Variants in SRP19 observed in about 807,000 individuals in gnomAD.
SRP19 encodes the protein signal recognition particle 19 kDa protein.
A neutral mutation model predicts 22.4 loss-of-function variants in SRP19; 11 were observed. The observed-to-expected ratio is 0.49, with a 90% CI of 0.31 to 0.81. The LOEUF (loss-of-function observed/expected upper bound fraction) is 0.81, where lower values mean the gene tolerates loss of function less well. Among genes scored for constraint, SRP19 ranks in the 40% least tolerant of loss-of-function variants. The pLI is 0.05. For missense variants in SRP19, 168 were observed against 175.9 expected (o/e 0.96, Z 0.25); for synonymous variants, 61 against 57.6 (o/e 1.06, Z -0.27).
downstream of SRP19, among the ~76,000 whole-genome samples, chr5:112,872,056 TAGA>T (rs978687954): frequency 7.2e-5 from 11 of 152,362 alleles, no homozygotes; most frequent in Admixed American, 5.9e-4. Flanking sequence ...CTTCCATTTG[TAGA>T]AGAAGAGGAT....
At chr5:112,873,265 G>T (rs13362565), downstream of SRP19, among the ~76,000 whole-genome samples, 2,211 of 97,260 alleles carry the variant, frequency 0.023, 76 homozygotes, top group African/African-American at 0.1. Context: ...CTGATCCTCA[G>T]GTTTTCTTTT....
At chr5:112,891,553 A>T in intron 4 of SRP19, 1 of 1,522,380 alleles carries the variant, frequency 6.6e-7, no homozygotes, top group South Asian at 1.2e-5. Context: ...TCATAAGTAG[A>T]ATCACTGACA....
At position 112,864,770 on chromosome 5, in the gene SRP19, A is replaced by G. The variant is rs200681026; in HGVS notation, c.301+38A>G. ...AAATGAATCAGTGGGGCTCAGGGAT[A>G]GGTTTCTCCTACACAACACAAAAAA... is the stretch of plus-strand genomic sequence containing the variant. On this transcript the variant is annotated intron_variant, in intron 4 of 4. Transcript: ENST00000505459. The G allele has an allele frequency of 6.1e-6, 9 of 1,486,272 alleles. No individual in the cohort carries two copies. The Admixed American group carries it at 1.5e-4, about 24-fold the overall frequency. 92.1% of individuals were successfully genotyped at this position (1,486,272 alleles called of 1,614,324 possible).
chr5:112,887,589 G>A (rs1768298872), intron 4 of SRP19, among the ~76,000 whole-genome samples: 1 of 152,082 alleles, frequency 6.6e-6, no homozygotes, highest in Admixed American at 6.6e-5. Flanking sequence ...GTGCTTGGTA[G>A]GCTTATCTTG....
At chr5:112,883,087 TC>T (rs1768127235) in intron 4 of SRP19, among the ~76,000 whole-genome samples, 1 of 152,212 alleles carries the variant, frequency 6.6e-6, no homozygotes, top group Non-Finnish European at 1.5e-5. Context: ...GTTGAATTAT[TC>T]CCATTAATTT....
downstream of SRP19, chr5:112,895,557 G>A (rs1768657145): frequency 6.6e-6 from 1 of 152,144 alleles, no homozygotes; most frequent in Non-Finnish European, 1.5e-5. Flanking sequence ...ACTGCAGACT[G>A]TTAATTGACT....
chr5:112,878,855 G>T (rs6875646), intron 4 of SRP19: 1 of 1,613,830 alleles, frequency 6.2e-7, no homozygotes. Context: ...TGTTAGGAGG[G>T]AAAGAAAAAT....
intron 2 of SRP19, 40 bp from the exon 3 acceptor site, chr5:112,864,417 A>G (rs541691427): frequency 1.3e-6 from 2 of 1,556,664 alleles, no homozygotes; most frequent in South Asian, 1.1e-5. Flanking sequence ...GTGTCCACTT[A>G]AAGCACATAT....
At chr5:112,889,154 A>T (rs764519136) in intron 4 of SRP19, among the ~76,000 whole-genome samples, 1 of 150,824 alleles carries the variant, frequency 6.6e-6, no homozygotes, top group Non-Finnish European at 1.5e-5. Flanking sequence ...TAAATTGCCC[A>T]GTCTCGGCTA....
intron 4 of SRP19, chr5:112,878,610 C>A: frequency 1.1e-6 from 1 of 925,394 alleles, no homozygotes; most frequent in Non-Finnish European, 1.6e-6. Context: ...AAAGTGCTCC[C>A]TATATATATA....
intron 4 of SRP19, chr5:112,878,915 T>C: frequency 1.2e-6 from 2 of 1,606,202 alleles, no homozygotes; most frequent in East Asian, 2.2e-5. Flanking sequence ...TTGTGCCTAA[T>C]GTAGCTACTA....
chr5:112,872,214 T>G (rs1037938738), downstream of SRP19, among the ~76,000 whole-genome samples: 6 of 152,152 alleles, frequency 3.9e-5, no homozygotes, highest in African/African-American at 7.2e-5. Context: ...ACTAAAAGTA[T>G]GGTTGAAGGA....
intron 4 of SRP19, among the ~76,000 whole-genome samples, chr5:112,879,566 C>T (rs193237910): frequency 0.017 from 2,612 of 152,224 alleles, 28 homozygotes; most frequent in Middle Eastern, 0.037. Context: ...CTCTGCCTCC[C>T]GGGTTCATGC....
rs879027133 is a variant in SRP19, at chr5:112,864,691, A to G, written c.260A>G (p.Lys87Arg). ...QYRGRVRVQLKQEDGSLCLVQ... is the reference protein window; with the variant it reads ...QYRGRVRVQLRQEDGSLCLVQ... Reference sequence around the variant, plus strand: ...AGAGGCAGAGTCCGGGTCCAGCTCAAACAGGAAGATGGGAGCCTCTGCCTT... The same window carrying G: ...AGAGGCAGAGTCCGGGTCCAGCTCAGACAGGAAGATGGGAGCCTCTGCCTT... Residue 87 changes from lysine to arginine, a missense_variant, in exon 4 of 5, where the codon AAA becomes AGA. Lys to Arg is a conservative substitution (Grantham distance 26). Transcript: ENST00000505459. 1.1e-5 allele frequency: 17 copies of G among 1,614,042 alleles called. No homozygotes were observed. The highest frequency in any genetic ancestry group is 1.3e-5 in the Non-Finnish European group (15 of 1,180,036).
intron 4 of SRP19, among the ~76,000 whole-genome samples, chr5:112,884,781 C>T (rs893072818): frequency 4.0e-4 from 20 of 50,376 alleles, no homozygotes; most frequent in Non-Finnish European, 6.7e-5. Context: ...AGTCCTTGGC[C>T]CCCCCCCATC....
At chr5:112,887,756 T>G (rs189131965) in intron 4 of SRP19, among the ~76,000 whole-genome samples, 13 of 152,346 alleles carry the variant, frequency 8.5e-5, no homozygotes, top group Non-Finnish European at 1.6e-4. Flanking sequence ...TTATTATTCC[T>G]AACTCCTTCT....
At chr5:112,865,790 C>T (rs1163985595) in intron 4 of SRP19, among the ~76,000 whole-genome samples, 1 of 152,196 alleles carries the variant, frequency 6.6e-6, no homozygotes, top group African/African-American at 2.4e-5. Context: ...GATGGGGTTT[C>T]GCCATGTTGG....
chr5:112,879,281 C>A (rs1046557229), intron 4 of SRP19, among the ~76,000 whole-genome samples: 1 of 139,950 alleles, frequency 7.1e-6, no homozygotes, highest in South Asian at 2.2e-4. Flanking sequence ...GAGAAGTCCT[C>A]ATTCCCAGCA....
chr5:112,886,813 G>A (rs1464014120), intron 4 of SRP19, among the ~76,000 whole-genome samples: 1 of 152,192 alleles, frequency 6.6e-6, no homozygotes, highest in African/African-American at 2.4e-5. Context: ...TACATTAAAT[G>A]TGGCATGGAG....
Sources: gnomAD v4.1 joint callset for allele counts (sites outside exome capture counted in the v4.1 genomes callset) on GRCh38, gnomAD v4.1.1 for gene constraint, MANE v1.5 for transcripts, NCBI Gene and HGNC (gene_info 2026-07-23, HGNC 2026-07-21) for gene names.